MYO18B: variants seen among roughly 807,000 people sequenced by gnomAD.
The protein encoded by MYO18B is myosin XVIIIB, also known as unconventional myosin-XVIIIb.
MYO18B carries 204 observed loss-of-function variants against 273.0 expected under a neutral mutation model. That is an observed-to-expected ratio of 0.75 (90% CI 0.67 to 0.84). The LOEUF (loss-of-function observed/expected upper bound fraction) is 0.84, where lower values mean the gene tolerates loss of function less well. Among genes scored for constraint, MYO18B ranks in the 40% least tolerant of loss-of-function variants. MYO18B has a pLI of 0.00. For missense variants in MYO18B, 3,212 were observed against 3,287.6 expected, an observed-to-expected ratio of 0.98 and a Z score of 0.56; for synonymous variants, 1,330 against 1,305.7, an observed-to-expected ratio of 1.02 and a Z score of -0.40.
chr22:25,936,373 G>T (rs186430221), intron 34 of MYO18B, among the ~76,000 whole-genome samples: 3 of 152,192 alleles, frequency 2.0e-5, no homozygotes, highest in African/African-American at 4.8e-5. Context: ...AACCCTCAAA[G>T]AAATAGACTT....
At chr22:25,792,584 T>A (rs2087727293) in intron 11 of MYO18B, among the ~76,000 whole-genome samples, 1 of 135,768 alleles carries the variant, frequency 7.4e-6, no homozygotes, top group South Asian at 2.5e-4. Flanking sequence ...AACCTCCACC[T>A]CCTGGGTTCA....
intron 22 of MYO18B, among the ~76,000 whole-genome samples, 186 bp from the exon 23 acceptor site, chr22:25,874,098 GGA>G (rs776919492): frequency 5.3e-5 from 8 of 152,190 alleles, no homozygotes; most frequent in Non-Finnish European, 1.2e-4. Context: ...CTAGGGGAAG[GGA>G]GAGAGGAGCC....
At chr22:25,759,607 G>A (rs1396249896) in intron 1 of MYO18B, among the ~76,000 whole-genome samples, 3 of 152,086 alleles carry the variant, frequency 2.0e-5, no homozygotes, top group Non-Finnish European at 2.9e-5. Flanking sequence ...ACCATGGCAC[G>A]TGTATACCTA....
At position 25,785,495 on chromosome 22, in the gene MYO18B, A is replaced by G. The variant is rs750294682; in HGVS notation, c.2376+4A>G. On this transcript the variant is annotated splice_donor_region_variant and intron_variant, in intron 11 of 43. Transcript: ENST00000335473. The stretch of plus-strand genomic sequence containing the variant: ...TGGCATGGGCGTGTGGTCCAAGGTA[A>G]GGAGGAGGTCCCTCACGGGTGGGAT... 3 of 1,611,898 alleles carry G rather than the reference A, an allele frequency of 1.9e-6. No homozygotes were observed. Among genetic ancestry groups the G allele is most frequent in the Non-Finnish European group, 2.5e-6 (3 of 1,179,134 alleles).
chr22:26,029,605 G>A (rs549631718), intron 43 of MYO18B, among the ~76,000 whole-genome samples: 31 of 152,096 alleles, frequency 2.0e-4, no homozygotes, highest in Non-Finnish European at 4.0e-4. Context: ...TTAAACTCAA[G>A]TCCTCCTTCC....
intron 25 of MYO18B, among the ~76,000 whole-genome samples, chr22:25,880,593 T>C (rs888570624): frequency 6.6e-6 from 1 of 152,184 alleles, no homozygotes; most frequent in African/African-American, 2.4e-5. Context: ...ATGAAACCCA[T>C]TTTTTCACCC....
the MYO18B span, among the ~76,000 whole-genome samples, chr22:26,041,341 CCT>C: frequency 7.2e-6 from 1 of 139,606 alleles, no homozygotes; most frequent in Non-Finnish European, 1.5e-5. Context: ...ATGGTGAAAC[CCT>C]GTCTCTACCA....
intron 1 of MYO18B, among the ~76,000 whole-genome samples, chr22:25,749,633 A>G (rs922249829): frequency 6.6e-6 from 1 of 152,164 alleles, no homozygotes; most frequent in Admixed American, 6.5e-5. Flanking sequence ...TGGGGCACAC[A>G]GCAGTGTGGC....
intron 1 of MYO18B, among the ~76,000 whole-genome samples, chr22:25,748,574 G>A (rs746063932): frequency 1.3e-5 from 2 of 152,176 alleles, no homozygotes; most frequent in Non-Finnish European, 2.9e-5. Context: ...GTTTCTCCAT[G>A]TGTAAAGGCC....
At chr22:25,945,710 T>TCC (rs2092697117) in intron 34 of MYO18B, among the ~76,000 whole-genome samples, 3 of 17,702 alleles carry the variant, frequency 1.7e-4, no homozygotes, top group South Asian at 2.3e-3. Flanking sequence ...CCCTCTCCCC[T>TCC]CGCCTCCCCT....
chr22:25,830,826 A>T (rs1359175938), intron 15 of MYO18B, among the ~76,000 whole-genome samples: 1 of 152,202 alleles, frequency 6.6e-6, no homozygotes, highest in East Asian at 1.9e-4. Context: ...GAGAGTATAG[A>T]TACAGGGAAG....
chr22:25,942,640 G>A (rs1377726827), intron 34 of MYO18B, among the ~76,000 whole-genome samples: 3 of 152,134 alleles, frequency 2.0e-5, no homozygotes, highest in South Asian at 2.1e-4. Context: ...CTCAGAGTCC[G>A]CCTTTATCAA....
In MYO18B at chr22:26,027,719, G is replaced by T; in HGVS notation, c.*12+29G>T. ...AAAGCAACAGGCTGGGGCTATTCTT[G>T]GGGGAATGAGAGTTCACCTTGCAGC... On this transcript the variant is annotated intron_variant, in intron 43 of 43. Transcript: ENST00000335473. This position sits in a 1 kb window ranked among gnomAD's most constrained non-coding sequence, Gnocchi z 4.1. 1.3e-6 allele frequency: 2 copies of T among 1,545,962 alleles called. No individual in the cohort carries two copies. Among genetic ancestry groups the T allele is most frequent in the Non-Finnish European group, 1.7e-6 (2 of 1,146,186 alleles).
chr22:25,926,619 T>C (rs1443126743), intron 34 of MYO18B, among the ~76,000 whole-genome samples: 3 of 152,078 alleles, frequency 2.0e-5, no homozygotes, highest in African/African-American at 2.4e-5. Flanking sequence ...ATAAAGGACA[T>C]GTAGGAGGGA....
Position 25,921,261 on chromosome 22 carries a change from G to A in MYO18B, c.5369G>A (p.Gly1790Asp), listed in dbSNP as rs1167534761. 11 of 1,551,338 alleles carry A rather than the reference G, an allele frequency of 7.1e-6. No homozygotes were observed. Among genetic ancestry groups the A allele is most frequent in the Non-Finnish European group, 8.7e-6 (10 of 1,146,366 alleles). Reference protein sequence around the residue: ...GLIGTLCDQIGHRDFDVEKRL... With the variant: ...GLIGTLCDQIDHRDFDVEKRL... Reference sequence around the variant, plus strand: ...GGGTCTCCCTTTGGCTTTCAGATTGGCCATCGGGACTTTGATGTGGAGAAG... The same window carrying A: ...GGGTCTCCCTTTGGCTTTCAGATTGACCATCGGGACTTTGATGTGGAGAAG... Residue 1790 changes from glycine to aspartate, a missense_variant, in exon 34 of 44, where the codon GGC becomes GAC. Gly to Asp is a moderately conservative substitution (Grantham distance 94, BLOSUM62 -1). Transcript: ENST00000335473.
chr22:25,846,649 G>A (rs753154336), intron 19 of MYO18B, among the ~76,000 whole-genome samples: 7 of 152,324 alleles, frequency 4.6e-5, no homozygotes, highest in African/African-American at 7.2e-5. Flanking sequence ...GGGGCAAGGC[G>A]GCAGGACCCA....
intron 39 of MYO18B, among the ~76,000 whole-genome samples, chr22:25,985,400 T>C (rs1053023303): frequency 6.6e-6 from 1 of 152,066 alleles, no homozygotes; most frequent in Admixed American, 6.6e-5. Flanking sequence ...AAAAATAGAA[T>C]AATGCAATGA....
rs1341861733 is a variant in MYO18B at position 25,845,210 on chromosome 22, A to G, written c.3369-890A>G. On this transcript the variant is annotated intron_variant, in intron 18 of 43. Coordinates refer to ENST00000335473, the MANE Select transcript of MYO18B (RefSeq NM_032608.7). ...GGGTAGGCCACTCTGCTTTACTGGAACAGACACTTGAAAAGCTGGCACCCT... is the reference window on the plus strand; with the variant it reads ...GGGTAGGCCACTCTGCTTTACTGGAGCAGACACTTGAAAAGCTGGCACCCT... 3.3e-5 allele frequency among the ~76,000 whole-genome samples: 5 copies of G among 152,298 alleles called. No individual in the cohort carries two copies. The East Asian group carries it at 9.7e-4, about 29-fold the overall frequency.
intron 12 of MYO18B, among the ~76,000 whole-genome samples, chr22:25,809,051 C>A (rs1436966770): frequency 6.6e-6 from 1 of 152,044 alleles, no homozygotes; most frequent in Non-Finnish European, 1.5e-5. Flanking sequence ...TCAAGAAATT[C>A]TCTGCCTTAG....
Sources: gnomAD v4.1 joint callset for allele counts (sites outside exome capture counted in the v4.1 genomes callset) on GRCh38, gnomAD v4.1.1 for gene constraint, Gnocchi (gnomAD v3.1) non-coding constraint, MANE v1.5 for transcripts, NCBI Gene and HGNC (gene_info 2026-07-23, HGNC 2026-07-21) for gene names.